SLCO1A2: variants seen among roughly 807,000 people sequenced by gnomAD.
The protein encoded by SLCO1A2 is OATP-1.
A neutral mutation model predicts 69.0 loss-of-function variants in SLCO1A2; 67 were observed. The observed-to-expected ratio is 0.97, with a 90% CI of 0.80 to 1.19. The LOEUF (loss-of-function observed/expected upper bound fraction) is 1.19. Ranked by LOEUF, SLCO1A2 falls within the 50% of genes most tolerant of loss-of-function variation. SLCO1A2 has a pLI of 0.00. For synonymous variants in SLCO1A2, 260 were observed against 265.9 expected (o/e 0.98, Z 0.22); for missense variants, 787 against 793.7 (o/e 0.99, Z 0.10).
Position 21,269,579 on chromosome 12 carries a change from A to C in SLCO1A2, c.1982T>G (p.Leu661Trp). The C allele has an allele frequency of 1.2e-6, 2 of 1,611,866 alleles. No individual in the cohort carries two copies. The highest frequency in any genetic ancestry group is 1.7e-5 in the Admixed American group (1 of 59,844). ...CKDIYQKSTV[L>W]KDDELKTKL The stretch of plus-strand genomic sequence containing the variant: ...TTTAGTTTTCAATTCATCATCTTTC[A>C]AAACCGTGGACTTTTGGTATATATC... The change falls in exon 15 of 15, where the codon TTG becomes TGG. Residue 661 changes from leucine to tryptophan, a missense_variant. Leu to Trp is a moderately conservative substitution (Grantham distance 61, BLOSUM62 -2). Coordinates refer to ENST00000683939, the MANE Select transcript of SLCO1A2 (RefSeq NM_001386879.1).
chr12:21,358,848 A>G (rs1470569154), intron 2 of SLCO1A2, among the ~76,000 whole-genome samples: 1 of 152,228 alleles, frequency 6.6e-6, no homozygotes, highest in African/African-American at 2.4e-5. Flanking sequence ...TCCTGAAGGA[A>G]TAAACATGTA....
At chr12:21,338,981 T>C (rs1952980352), upstream of SLCO1A2, among the ~76,000 whole-genome samples, 1 of 151,966 alleles carries the variant, frequency 6.6e-6, no homozygotes, top group South Asian at 2.1e-4. Flanking sequence ...GCAGATTAAT[T>C]GTGAGCTGTT....
At chr12:21,290,008 A>AGTGT (rs142813630) in intron 12 of SLCO1A2, among the ~76,000 whole-genome samples, 18 of 148,442 alleles carry the variant, frequency 1.2e-4, no homozygotes, top group Admixed American at 3.3e-4. Context: ...TGTTTTTCTC[A>AGTGT]GTGTGTGTGT....
chr12:21,295,167 T>C (rs1591805297), intron 10 of SLCO1A2: 1 of 152,940 alleles, frequency 6.5e-6, no homozygotes, highest in Middle Eastern at 3.4e-3. Flanking sequence ...TATGATTTAG[T>C]TATGCCAAAC....
At chr12:21,281,099 T>G (rs1944709219) in intron 12 of SLCO1A2, among the ~76,000 whole-genome samples, 1 of 152,010 alleles carries the variant, frequency 6.6e-6, no homozygotes, top group South Asian at 2.1e-4. Flanking sequence ...AAAGCAGTAC[T>G]AAGAAGGAAG....
At position 21,301,189 on chromosome 12, in the gene SLCO1A2, T is replaced by A. The variant is rs115491548; in HGVS notation, c.670A>T (p.Thr224Ser). 2 of 1,611,250 alleles carry A rather than the reference T, an allele frequency of 1.2e-6. No individual in the cohort carries two copies. The highest frequency in any genetic ancestry group is 2.7e-5 in the African/African-American group (2 of 74,836). The change falls in exon 7 of 15, where the codon ACT (threonine) becomes TCT (serine). Residue 224 changes from threonine (T) to serine (S), a missense_variant. By Grantham distance (58) the Thr-to-Ser change is moderately conservative. Transcript: ENST00000683939. Reference protein sequence around the residue: ...ASFCANVYVDTGFVNTDDLII... With the variant: ...ASFCANVYVDSGFVNTDDLII... ...GAATTACCTGTGTTCACAAATCCAGTGTCAACATAAACATTTGCACAGAAT... is the reference window on the plus strand; with the variant it reads ...GAATTACCTGTGTTCACAAATCCAGAGTCAACATAAACATTTGCACAGAAT...
rs558727722 is a variant in SLCO1A2, at chr12:21,272,243, A to G, written c.1793+2226T>C. 1.4e-4 allele frequency among the ~76,000 whole-genome samples: 21 copies of G among 151,950 alleles called. No homozygotes were observed. The South Asian group carries it at 4.4e-3, about 32-fold the overall frequency. ...AGAAATAGATATAGATGTATTATAG[A>G]TTCATACAGATTATATATGTTTATA... On this transcript the variant is annotated intron_variant, in intron 14 of 14. Coordinates refer to ENST00000683939, the MANE Select transcript of SLCO1A2 (RefSeq NM_001386879.1).
intron 2 of SLCO1A2, among the ~76,000 whole-genome samples, chr12:21,341,409 A>G (rs1388437083): frequency 1.3e-5 from 2 of 151,592 alleles, no homozygotes; most frequent in East Asian, 3.9e-4. Context: ...CCAATTAAAA[A>G]GTCATTAAAA....
At chr12:21,321,799 C>T (rs1202583247) in intron 2 of SLCO1A2, among the ~76,000 whole-genome samples, 1 of 152,144 alleles carries the variant, frequency 6.6e-6, no homozygotes, top group Non-Finnish European at 1.5e-5. Context: ...CTCTGTGCTC[C>T]CCAGGTAAGC....
chr12:21,300,508 C>G lies in SLCO1A2; in HGVS notation c.750G>C (p.Leu250=), dbSNP rs770220839. 6 of 1,613,422 alleles carry G rather than the reference C, an allele frequency of 3.7e-6. No individual in the cohort carries two copies. Among genetic ancestry groups the G allele is most frequent in the Non-Finnish European group, 5.1e-6 (6 of 1,179,754 alleles). ...TGAGCACGTTAACTCCTGCACAAATCAGAAAGCCAAACCACCATGCACCGA... is the reference window on the plus strand; with the variant it reads ...TGAGCACGTTAACTCCTGCACAAATGAGAAAGCCAAACCACCATGCACCGA... ...RWVGAWWFGF[L]ICAGVNVLTA... Residue 250 remains leucine, a synonymous_variant, in exon 8 of 15, where the codon CTG becomes CTC. Transcript: ENST00000683939.
intron 1 of SLCO1A2, among the ~76,000 whole-genome samples, chr12:21,409,268 A>G (rs1035613403): frequency 6.6e-6 from 1 of 152,138 alleles, no homozygotes; most frequent in Non-Finnish European, 1.5e-5. Context: ...ATCTCATCAT[A>G]TTGGCAACAT....
At chr12:21,393,884 TAC>T (rs1222190959) in intron 1 of SLCO1A2, among the ~76,000 whole-genome samples, 1 of 152,250 alleles carries the variant, frequency 6.6e-6, no homozygotes, top group African/African-American at 2.4e-5. Flanking sequence ...GACATGTAAC[TAC>T]AGAGGGTTCA....
intron 9 of SLCO1A2, among the ~76,000 whole-genome samples, chr12:21,297,151 A>G (rs893588457): frequency 6.6e-6 from 1 of 152,130 alleles, no homozygotes; most frequent in African/African-American, 2.4e-5. Context: ...GACTTCAGAG[A>G]GAAGAAAATC....
At chr12:21,410,494 G>A (rs995394935) in intron 1 of SLCO1A2, among the ~76,000 whole-genome samples, 4 of 152,068 alleles carry the variant, frequency 2.6e-5, no homozygotes, top group African/African-American at 9.7e-5. Context: ...ATAGTATACT[G>A]GGCAAATGCA....
chr12:21,373,822 T>C, intron 2 of SLCO1A2: 1 of 592,292 alleles, frequency 1.7e-6, no homozygotes, highest in Non-Finnish European at 3.0e-6. Context: ...TGGATTCTTT[T>C]TGTATATATT....
chr12:21,388,026 G>A (rs1193366532), intron 1 of SLCO1A2, among the ~76,000 whole-genome samples: 1 of 152,176 alleles, frequency 6.6e-6, no homozygotes, highest in Non-Finnish European at 1.5e-5. Flanking sequence ...TTAGACTTAT[G>A]TTGGGCCTGT....
At chr12:21,387,178 G>T (rs1342901150) in intron 1 of SLCO1A2, among the ~76,000 whole-genome samples, 2 of 152,198 alleles carry the variant, frequency 1.3e-5, no homozygotes, top group Non-Finnish European at 2.9e-5. Flanking sequence ...GAGCATAAAA[G>T]TTTGGAAAAC....
At chr12:21,303,105 C>G (rs1948921491) in intron 6 of SLCO1A2, among the ~76,000 whole-genome samples, 1 of 152,090 alleles carries the variant, frequency 6.6e-6, no homozygotes, top group Non-Finnish European at 1.5e-5. Context: ...TATGGATACA[C>G]ACATGAACAC....
At chr12:21,377,930 T>C (rs926181342) in intron 1 of SLCO1A2, among the ~76,000 whole-genome samples, 2 of 152,202 alleles carry the variant, frequency 1.3e-5, no homozygotes, top group African/African-American at 2.4e-5. Flanking sequence ...TCAAGATTTT[T>C]AAAAATGTAA....
Sources: gnomAD v4.1 joint callset for allele counts (sites outside exome capture counted in the v4.1 genomes callset) on GRCh38, gnomAD v4.1.1 for gene constraint, MANE v1.5 for transcripts, NCBI Gene and HGNC (gene_info 2026-07-23, HGNC 2026-07-21) for gene names.